NEK10: variants seen among roughly 807,000 people sequenced by gnomAD.
NEK10 encodes NIMA related kinase 10.
Under a neutral mutation model 159.8 loss-of-function variants are expected in NEK10, and 122 were observed. The observed-to-expected ratio is 0.76, with a 90% CI of 0.66 to 0.89. The LOEUF (loss-of-function observed/expected upper bound fraction) is 0.89. Among genes scored for constraint, NEK10 ranks in the 40% least tolerant of loss-of-function variants. NEK10 has a pLI of 0.00. For missense variants in NEK10, 1,342 were observed against 1,323.1 expected (o/e 1.01, Z -0.22); for synonymous variants, 466 against 457.1 (o/e 1.02, Z -0.25).
intron 29 of NEK10, among the ~76,000 whole-genome samples, chr3:27,171,288 G>T (rs1946959620): frequency 6.6e-6 from 1 of 152,158 alleles, no homozygotes; most frequent in Non-Finnish European, 1.5e-5. Flanking sequence ...ACCATCCCTT[G>T]CAACTAGCTG....
intron 25 of NEK10, among the ~76,000 whole-genome samples, chr3:27,196,334 G>A (rs778752119): frequency 6.6e-6 from 1 of 152,202 alleles, no homozygotes; most frequent in Non-Finnish European, 1.5e-5. Context: ...CACTCAGGGA[G>A]CTCAGTTTTT....
chr3:27,157,095 T>C (rs1467683315), intron 30 of NEK10, among the ~76,000 whole-genome samples: 1 of 150,906 alleles, frequency 6.6e-6, no homozygotes, highest in Non-Finnish European at 1.5e-5. Context: ...AAACCAAACA[T>C]TGTATCTTCT....
intron 22 of NEK10, among the ~76,000 whole-genome samples, chr3:27,257,367 G>A (rs925453449): frequency 3.9e-5 from 6 of 152,154 alleles, no homozygotes; most frequent in Non-Finnish European, 7.4e-5. Context: ...AATTCAAGTT[G>A]TTTTTCCAAA....
chr3:27,125,724 C>T (rs2125479532), intron 32 of NEK10, among the ~76,000 whole-genome samples: 1 of 152,268 alleles, frequency 6.6e-6, no homozygotes, highest in Middle Eastern at 3.4e-3. Flanking sequence ...CTCCACCACA[C>T]TTTCTAAGCC....
At position 27,158,446 on chromosome 3, in the gene NEK10, A is replaced by AT. The variant is rs1318427349; in HGVS notation, c.2869+4254dup. Among the ~76,000 whole-genome samples the AT allele has an allele frequency of 6.6e-5, 10 of 152,350 alleles. No individual in the cohort carries two copies. The East Asian group carries it at 1.9e-3, about 29-fold the overall frequency. On this transcript the variant is annotated intron_variant, in intron 30 of 35. Coordinates refer to ENST00000691995, the MANE Select transcript of NEK10 (RefSeq NM_001394966.1). ...AGTTGTTCGTATAAGGACAACTAGA[A>AT]TGTTAGCTATGCTTTCTAGAATATT...
At chr3:27,226,063 G>C (rs113091233) in intron 23 of NEK10, among the ~76,000 whole-genome samples, 1 of 151,682 alleles carries the variant, frequency 6.6e-6, no homozygotes, top group South Asian at 2.1e-4. Flanking sequence ...ACGGAGTCTC[G>C]CTCTGTTGCC....
At chr3:27,191,139 T>C (rs1949077115) in intron 26 of NEK10, among the ~76,000 whole-genome samples, 1 of 152,208 alleles carries the variant, frequency 6.6e-6, no homozygotes, top group Admixed American at 6.5e-5. Context: ...AACACTGTTA[T>C]TCAAGAAATC....
Position 27,282,540 on chromosome 3 carries a change from A to T in NEK10, c.2014+2062T>A, listed in dbSNP as rs760397920. ...TGTTGTATATATACATAAATGTGTT[A>T]TATATATATATATATATATACATAA... On this transcript the variant is annotated intron_variant, in intron 22 of 35. Coordinates refer to ENST00000691995, the MANE Select transcript of NEK10 (RefSeq NM_001394966.1). 7.3e-4 allele frequency among the ~76,000 whole-genome samples: 44 copies of T among 60,030 alleles called. 2 individuals are homozygous for T. The highest frequency in any genetic ancestry group is 2.0e-3 in the East Asian group (7 of 3,428). 39.4% of individuals were successfully genotyped at this position (60,030 alleles called of 152,430 possible).
chr3:27,308,382 T>C (rs780060135), intron 10 of NEK10, among the ~76,000 whole-genome samples: 3 of 152,196 alleles, frequency 2.0e-5, no homozygotes, highest in Non-Finnish European at 4.4e-5. Flanking sequence ...CCTAACCATA[T>C]AAATTTATTT....
intron 22 of NEK10, among the ~76,000 whole-genome samples, chr3:27,274,340 A>G (rs1253876706): frequency 6.6e-6 from 1 of 152,226 alleles, no homozygotes; most frequent in Non-Finnish European, 1.5e-5. Context: ...AGGTAACTCC[A>G]TATCTGTGGT....
At chr3:27,329,052 C>T (rs986383180) in intron 5 of NEK10, among the ~76,000 whole-genome samples, 6 of 152,106 alleles carry the variant, frequency 3.9e-5, no homozygotes, top group Non-Finnish European at 5.9e-5. Flanking sequence ...GTGGGAGGGA[C>T]CTGGTGGGAG....
At chr3:27,313,064 G>A (rs2044831159) in intron 7 of NEK10, among the ~76,000 whole-genome samples, 1 of 151,476 alleles carries the variant, frequency 6.6e-6, no homozygotes, top group African/African-American at 2.4e-5. Context: ...ATTCCAGCCT[G>A]GCCAACATGG....
intron 30 of NEK10, among the ~76,000 whole-genome samples, chr3:27,161,177 A>G (rs953163820): frequency 6.6e-6 from 1 of 152,222 alleles, no homozygotes; most frequent in African/African-American, 2.4e-5. Flanking sequence ...AATTGCTTAC[A>G]TATATATGTG....
At chr3:27,243,770 C>A (rs1025584106) in intron 23 of NEK10, among the ~76,000 whole-genome samples, 2 of 151,974 alleles carry the variant, frequency 1.3e-5, no homozygotes, top group African/African-American at 4.8e-5. Flanking sequence ...CCTGGAGACT[C>A]ATTACAAGCA....
At position 27,293,605 on chromosome 3, in the gene NEK10, G is replaced by C; in HGVS notation, c.1356C>G (p.Asn452Lys). ...CCTCATACCTTTTAAAGAGTGGTCT[G>C]TTTCTTTCCATACTGAAGAGAAATC... is the stretch of plus-strand genomic sequence containing the variant. ...ALRFLFSMER[N>K]RPLFKRLFPT... Residue 452 changes from asparagine to lysine, a missense_variant, in exon 16 of 36, where the codon AAC becomes AAG. Transcript: ENST00000691995. 1.3e-6 allele frequency: 2 copies of C among 1,566,582 alleles called. No individual in the cohort carries two copies. The highest frequency in any genetic ancestry group is 1.8e-6 in the Non-Finnish European group (2 of 1,139,652).
intron 16 of NEK10, 119 bp from the exon 17 acceptor site, chr3:27,291,705 CGA>C: frequency 1.6e-6 from 1 of 639,940 alleles, no homozygotes; most frequent in Non-Finnish European, 2.8e-6. Context: ...TGCAGTGGCA[CGA>C]TCTCAGCTCA....
chr3:27,168,009 G>A (rs1028630932), intron 29 of NEK10, among the ~76,000 whole-genome samples: 1 of 152,098 alleles, frequency 6.6e-6, no homozygotes, highest in Admixed American at 6.6e-5. Flanking sequence ...TTTAAATCTG[G>A]CTCCTGATAT....
rs1247716064 is a variant in NEK10 at position 27,331,251 on chromosome 3, CA to C, written c.363-8991del. Reference sequence around the variant, plus strand: ...AGACTCTGTCTCAAAAAAAAAAAAACAAAAAAAAAAAACACACAAACCTAAG... The same window carrying C: ...AGACTCTGTCTCAAAAAAAAAAAAACAAAAAAAAAAACACACAAACCTAAG... On this transcript the variant is annotated intron_variant, in intron 5 of 35. Transcript: ENST00000691995. Among the ~76,000 whole-genome samples the C allele has an allele frequency of 7.4e-5, 4 of 53,912 alleles. 1 individual carries two copies. Among genetic ancestry groups the C allele is most frequent in the African/African-American group, 1.8e-4 (4 of 21,758 alleles). 35.4% of individuals were successfully genotyped at this position (53,912 alleles called of 152,430 possible). A position where few individuals can be genotyped will look rare whatever the true frequency, so the allele number is the denominator to read the frequency against.
intron 22 of NEK10, among the ~76,000 whole-genome samples, chr3:27,274,680 CTG>C (rs2041637410): frequency 6.6e-6 from 1 of 152,010 alleles, no homozygotes; most frequent in Non-Finnish European, 1.5e-5. Context: ...CACACACATA[CTG>C]TGTGTGGCAT....
Sources: allele counts gnomAD v4.1 joint callset (sites outside exome capture counted in the v4.1 genomes callset), GRCh38; gene constraint gnomAD v4.1.1; transcripts MANE v1.5; gene names NCBI Gene and HGNC (gene_info 2026-07-23, HGNC 2026-07-21).